The following PCDHA3 variants were observed in gnomAD, a reference collection of about 807,000 sequenced individuals.
PCDHA3 encodes the protein protocadherin alpha-3.
In PCDHA3, 41 loss-of-function variants were observed where a neutral mutation model predicts 62.2. The ratio of observed to expected loss-of-function variants is 0.66; its 90% CI spans 0.51 to 0.86. PCDHA3 has a LOEUF of 0.86. PCDHA3 is among the 40% of genes least tolerant of loss of function. The pLI, the probability that PCDHA3 is intolerant of heterozygous loss-of-function variation, is 0.00. For synonymous variants in PCDHA3, 640 were observed against 555.4 expected (o/e 1.15, Z -2.14); for missense variants, 1,304 against 1,241.2 (o/e 1.05, Z -0.76).
intron 1 of PCDHA3, chr5:140,869,517 A>G: frequency 6.2e-7 from 1 of 1,614,200 alleles, no homozygotes; most frequent in Non-Finnish European, 8.5e-7. Flanking sequence ...TCAGAGAACA[A>G]AAGCTGCTGA....
At chr5:140,989,325 G>A (rs1389327103) in intron 3 of PCDHA3, among the ~76,000 whole-genome samples, 5 of 152,164 alleles carry the variant, frequency 3.3e-5, no homozygotes, top group African/African-American at 1.2e-4. Flanking sequence ...CACCAACTTT[G>A]CCACCTGACT....
At chr5:140,873,590 A>C (rs1188968124) in intron 1 of PCDHA3, among the ~76,000 whole-genome samples, 2 of 152,202 alleles carry the variant, frequency 1.3e-5, no homozygotes, top group Non-Finnish European at 2.9e-5. Flanking sequence ...ATTAAGCTAA[A>C]CTTAGATGTT....
At chr5:140,956,174 C>T (rs1353306679) in intron 1 of PCDHA3, among the ~76,000 whole-genome samples, 1 of 152,154 alleles carries the variant, frequency 6.6e-6, no homozygotes. Context: ...GCCAGAACTT[C>T]CAATACTATG....
intron 1 of PCDHA3, chr5:140,805,546 G>A (rs1166204316): frequency 1.0e-6 from 1 of 983,054 alleles, no homozygotes; most frequent in Non-Finnish European, 1.2e-6. Flanking sequence ...ATAACTTTAT[G>A]GATATAGGAG....
At chr5:140,912,472 G>A (rs993404931) in intron 1 of PCDHA3, among the ~76,000 whole-genome samples, 4 of 151,836 alleles carry the variant, frequency 2.6e-5, no homozygotes, top group African/African-American at 9.7e-5. Context: ...GAACTTTACT[G>A]AATTCATTTA....
rs146952531 is a variant in PCDHA3 at position 140,951,754 on chromosome 5, G to A, written c.2395-27195G>A. Among the ~76,000 whole-genome samples the A allele has an allele frequency of 4.6e-3, 703 of 152,152 alleles. 3 individuals are homozygous for A. The highest frequency in any genetic ancestry group is 0.016 in the African/African-American group (681 of 41,502). ...TTCTGCCACTGCCCTCACCCTCCGC[G>A]AAATCTCATGACGTTCTTACATTGC... On this transcript the variant is annotated intron_variant, in intron 1 of 3. Transcript: ENST00000522353.
At chr5:140,887,062 C>A (rs1183265871) in intron 1 of PCDHA3, among the ~76,000 whole-genome samples, 2 of 151,718 alleles carry the variant, frequency 1.3e-5, no homozygotes, top group African/African-American at 4.8e-5. Flanking sequence ...GTTCTGGCAA[C>A]AAATTCACTC....
Position 140,803,574 on chromosome 5 carries a change from G to A in PCDHA3, c.2377G>A (p.Val793Ile), listed in dbSNP as rs1306203317. ...TAGAGAGGAGAAACAGGATGTGGACGTTGATCTCTCAGCCAAAGTGAGTAA... is the reference window on the plus strand; with the variant it reads ...TAGAGAGGAGAAACAGGATGTGGACATTGATCTCTCAGCCAAAGTGAGTAA... ...RDREEKQDVD[V>I]DLSAKPRQPN... The change falls in exon 1 of 4, where the codon GTT becomes ATT. Residue 793 changes from valine to isoleucine, a missense_variant. Coordinates refer to ENST00000522353, the MANE Select transcript of PCDHA3 (RefSeq NM_018906.3). The A allele has an allele frequency of 2.5e-6, 4 of 1,614,106 alleles. No individual in the cohort carries two copies. Among genetic ancestry groups the A allele is most frequent in the African/African-American group, 2.7e-5 (2 of 74,930 alleles).
chr5:140,967,327 C>T (rs2096128034), intron 1 of PCDHA3: 2 of 1,608,656 alleles, frequency 1.2e-6, no homozygotes, highest in Admixed American at 1.7e-5. Context: ...CCTACGAGCT[C>T]AGCCCCAGCG....
At chr5:140,826,232 CTATT>C (rs1185758799) in intron 1 of PCDHA3, among the ~76,000 whole-genome samples, 2 of 152,152 alleles carry the variant, frequency 1.3e-5, no homozygotes, top group Non-Finnish European at 2.9e-5. Flanking sequence ...GTGATATAAA[CTATT>C]TATATATCTC....
At chr5:140,809,741 A>G in intron 1 of PCDHA3, 1 of 686,580 alleles carries the variant, frequency 1.5e-6, no homozygotes, top group South Asian at 2.3e-5. Flanking sequence ...AGCAATATAT[A>G]TTGCCTTCCT....
At chr5:140,838,543 T>C (rs1421001840) in intron 1 of PCDHA3, among the ~76,000 whole-genome samples, 2 of 152,028 alleles carry the variant, frequency 1.3e-5, no homozygotes, top group Non-Finnish European at 2.9e-5. Flanking sequence ...GGATATATCA[T>C]GATTTATTCA....
intron 1 of PCDHA3, chr5:140,815,810 TTA>T (rs1765796922): frequency 6.6e-6 from 1 of 152,208 alleles, no homozygotes; most frequent in African/African-American, 2.4e-5. Flanking sequence ...GGGAAGGTCT[TTA>T]TCTCTTTTTC....
chr5:140,966,652 G>C (rs556593659), intron 1 of PCDHA3: 2 of 1,169,200 alleles, frequency 1.7e-6, no homozygotes, highest in Admixed American at 3.9e-5. Context: ...GAGCGTGAGC[G>C]GTGGGGGAGC....
chr5:140,869,450 T>C, intron 1 of PCDHA3: 1 of 1,614,098 alleles, frequency 6.2e-7, no homozygotes, highest in Non-Finnish European at 8.5e-7. Flanking sequence ...CCGCTGCAGG[T>C]TTTCCATGTG....
chr5:140,845,456 CTGATATT>C (rs1779887189), intron 1 of PCDHA3, among the ~76,000 whole-genome samples: 2 of 149,562 alleles, frequency 1.3e-5, no homozygotes, highest in Admixed American at 1.3e-4. Context: ...CTTCAACTCT[CTGATATT>C]TGAATTTGGG....
chr5:140,822,588 C>T (rs2150117602), intron 1 of PCDHA3: 1 of 1,609,664 alleles, frequency 6.2e-7, no homozygotes, highest in South Asian at 1.1e-5. Flanking sequence ...CAGATGAGGG[C>T]ATCAATAAGG....
intron 1 of PCDHA3, chr5:140,824,081 T>G (rs781799131): frequency 6.2e-7 from 1 of 1,614,124 alleles, no homozygotes; most frequent in Non-Finnish European, 8.5e-7. Context: ...ACAGACCTCA[T>G]GGCCTTCAGT....
rs782159759 is a variant in PCDHA3, at chr5:140,801,282, G to C, written c.85G>C (p.Gly29Arg). 2 of 1,613,382 alleles carry C rather than the reference G, an allele frequency of 1.2e-6. No individual in the cohort carries two copies. The highest frequency in any genetic ancestry group is 1.3e-5 in the African/African-American group (1 of 74,916). ...CCTCGCAGCCTCGGAGGTGGGGAGC[G>C]GCCAGCTCCACTACTCCGTCTCTGA... ...LLLAASEVGS[G>R]QLHYSVSEEA... The change falls in exon 1 of 4, where the codon GGC becomes CGC. Residue 29 changes from glycine to arginine, a missense_variant. Transcript: ENST00000522353.
Sources: allele counts gnomAD v4.1 joint callset (sites outside exome capture counted in the v4.1 genomes callset), GRCh38; gene constraint gnomAD v4.1.1; transcripts MANE v1.5; gene names NCBI Gene and HGNC (gene_info 2026-07-23, HGNC 2026-07-21).